Variants in MEGF9 observed in about 807,000 individuals in gnomAD.
MEGF9 encodes the protein multiple EGF like domains 9.
In MEGF9, 6 loss-of-function variants were observed where a neutral mutation model predicts 46.8. That is an observed-to-expected ratio of 0.13 (90% CI 0.07 to 0.25). MEGF9 has a LOEUF of 0.25. Among genes scored for constraint, MEGF9 ranks in the 10% least tolerant of loss-of-function variants. MEGF9 has a pLI of 1.00. For missense variants in MEGF9, 683 were observed against 792.4 expected, an observed-to-expected ratio of 0.86 and a Z score of 1.66; for synonymous variants, 302 against 330.7, an observed-to-expected ratio of 0.91 and a Z score of 0.94.
intron 2 of MEGF9, among the ~76,000 whole-genome samples, chr9:120,633,334 T>C (rs963992664): frequency 6.6e-6 from 1 of 152,142 alleles, no homozygotes; most frequent in Non-Finnish European, 1.5e-5. Flanking sequence ...CATGTTTCCA[T>C]ACAAGCAGAA....
chr9:120,689,429 T>G (rs1425866560), intron 1 of MEGF9, among the ~76,000 whole-genome samples: 1 of 152,092 alleles, frequency 6.6e-6, no homozygotes, highest in East Asian at 1.9e-4. Flanking sequence ...TGGAAGAATT[T>G]TATACAAGAG....
At chr9:120,629,907 T>C (rs1414561884) in intron 2 of MEGF9, among the ~76,000 whole-genome samples, 1 of 151,114 alleles carries the variant, frequency 6.6e-6, no homozygotes, top group Non-Finnish European at 1.5e-5. Flanking sequence ...CACTCCAGCC[T>C]GGGCAACAGA....
chr9:120,714,056 C>A lies in MEGF9; in HGVS notation c.303G>T (p.Glu101Asp), dbSNP rs2043966442. Residue 101 changes from glutamate (E) to aspartate (D), a missense_variant, in exon 1 of 6, where the codon GAG (glutamate) becomes GAT (aspartate). Physicochemically the swap from Glu to Asp is conservative, Grantham distance 45. Around this residue, in one of 2 missense-constraint regions of MEGF9, gnomAD observed 370 missense variants for 371.3 expected, o/e 1.00. Coordinates refer to ENST00000373930, the MANE Select transcript of MEGF9 (RefSeq NM_001080497.3). The stretch of plus-strand genomic sequence containing the variant: ...CAGCAGTCGCCCAAAGAGGGGTGGT[C>A]TCCGGGGACTGGGCTGGAGAAGTCG... ...LAATSPAQSP[E>D]TTPLWATAGP... 1.5e-6 allele frequency: 2 copies of A among 1,298,376 alleles called. No individual in the cohort carries two copies. Among genetic ancestry groups the A allele is most frequent in the Admixed American group, 3.5e-5 (1 of 28,288 alleles). The allele number at this position is 1,298,376 out of a possible 1,614,324, so 80.4% of individuals were successfully genotyped here. A position where few individuals can be genotyped will look rare whatever the true frequency, so the allele number is the denominator to read the frequency against.
At chr9:120,679,520 T>C (rs2043788884) in intron 1 of MEGF9, among the ~76,000 whole-genome samples, 1 of 151,968 alleles carries the variant, frequency 6.6e-6, no homozygotes, top group East Asian at 1.9e-4. Flanking sequence ...ACATACTTAA[T>C]GTAAATGACG....
At chr9:120,703,162 A>G (rs2043912863) in intron 1 of MEGF9, among the ~76,000 whole-genome samples, 1 of 152,256 alleles carries the variant, frequency 6.6e-6, no homozygotes, top group Admixed American at 6.5e-5. Flanking sequence ...TATTCCTCAT[A>G]TTACTATGAG....
intron 1 of MEGF9, among the ~76,000 whole-genome samples, chr9:120,708,914 A>G (rs565663374): frequency 2.6e-5 from 4 of 152,312 alleles, no homozygotes; most frequent in African/African-American, 9.6e-5. Context: ...AAATAAATAA[A>G]TTTTAATAGA....
intron 1 of MEGF9, among the ~76,000 whole-genome samples, chr9:120,671,376 A>T (rs1194173710): frequency 6.6e-6 from 1 of 152,230 alleles, no homozygotes; most frequent in Non-Finnish European, 1.5e-5. Context: ...AGCCAGAGTA[A>T]GCCCAAGAGA....
At chr9:120,701,762 A>C (rs1223526632) in intron 1 of MEGF9, among the ~76,000 whole-genome samples, 7 of 152,228 alleles carry the variant, frequency 4.6e-5, no homozygotes. Context: ...TACCTAGACA[A>C]GGTGGGGAGC....
intron 5 of MEGF9, 22 bp downstream of exon 5, chr9:120,607,719 A>T: frequency 6.2e-7 from 1 of 1,602,074 alleles, no homozygotes; most frequent in South Asian, 1.1e-5. Flanking sequence ...TTAAATTTAC[A>T]ATCACTTAGG....
intron 1 of MEGF9, among the ~76,000 whole-genome samples, chr9:120,674,269 T>C (rs914371972): frequency 1.3e-5 from 2 of 152,106 alleles, no homozygotes; most frequent in African/African-American, 4.8e-5. Flanking sequence ...ATCAAGAATA[T>C]ATAAAGAACC....
At chr9:120,683,278 T>G (rs1485872817) in intron 1 of MEGF9, among the ~76,000 whole-genome samples, 1 of 152,178 alleles carries the variant, frequency 6.6e-6, no homozygotes, top group Non-Finnish European at 1.5e-5. Context: ...TAGTTCAAAA[T>G]TCATTCTGAT....
chr9:120,615,579 A>C (rs2043468717), intron 3 of MEGF9, among the ~76,000 whole-genome samples: 1 of 152,038 alleles, frequency 6.6e-6, no homozygotes, highest in African/African-American at 2.4e-5. Context: ...TTATCTCAAA[A>C]GTAAAAATGA....
intron 3 of MEGF9, among the ~76,000 whole-genome samples, chr9:120,618,804 G>A (rs548051434): frequency 6.6e-6 from 1 of 151,802 alleles, no homozygotes; most frequent in African/African-American, 2.4e-5. Context: ...GGAGGCTGAA[G>A]CAGAAGAATC....
At chr9:120,615,951 T>C (rs2043470574) in intron 3 of MEGF9, among the ~76,000 whole-genome samples, 1 of 152,076 alleles carries the variant, frequency 6.6e-6, no homozygotes, top group South Asian at 2.1e-4. Context: ...TAAATATTAA[T>C]CACTGTTTAC....
rs768291195 is a variant in MEGF9 at position 120,691,638 on chromosome 9, T to G, written c.601+22120A>C. Among the ~76,000 whole-genome samples the G allele has an allele frequency of 7.8e-4, 119 of 152,186 alleles. 1 individual carries two copies. Among genetic ancestry groups the G allele is most frequent in the Non-Finnish European group, 1.6e-3 (108 of 68,002 alleles). On this transcript the variant is annotated intron_variant, in intron 1 of 5. Coordinates refer to ENST00000373930, the MANE Select transcript of MEGF9 (RefSeq NM_001080497.3). ...AATGACAATTTTAAGTAACATCAAT[T>G]GAATTCTTTCCCTGTGCTTTCACTG...
chr9:120,600,857 C>G lies in MEGF9; in HGVS notation c.*4333G>C, dbSNP rs1457756457. 1 of 152,440 alleles carries G rather than the reference C, an allele frequency of 6.6e-6. No homozygotes were observed. Among genetic ancestry groups the G allele is most frequent in the Non-Finnish European group, 1.5e-5 (1 of 68,008 alleles). 9.4% of individuals were successfully genotyped at this position (152,440 alleles called of 1,614,324 possible). A position where few individuals can be genotyped will look rare whatever the true frequency, so the allele number is the denominator to read the frequency against. On this transcript the variant is annotated 3_prime_UTR_variant, in exon 6 of 6. Transcript: ENST00000373930. ...TGAAGTGGGCTGAAAGTAAATGATC[C>G]TTGGCATGTATTTGAAGACATGAAA...
At chr9:120,622,434 T>TA in intron 3 of MEGF9, among the ~76,000 whole-genome samples, 182 bp downstream of exon 3, 1 of 148,174 alleles carries the variant, frequency 6.7e-6, no homozygotes, top group Non-Finnish European at 1.5e-5. Flanking sequence ...TTTTTTTTTT[T>TA]AATTTACGTA....
At chr9:120,615,805 G>C in intron 3 of MEGF9, among the ~76,000 whole-genome samples, 1 of 151,932 alleles carries the variant, frequency 6.6e-6, no homozygotes. Flanking sequence ...GAGGTGGGAG[G>C]ATCGCTTGAG....
intron 3 of MEGF9, among the ~76,000 whole-genome samples, chr9:120,621,450 G>T (rs955559463): frequency 3.9e-5 from 6 of 152,114 alleles, no homozygotes; most frequent in African/African-American, 1.4e-4. Context: ...TCTACTGTTA[G>T]ATTAATGCAA....
Sources: gnomAD v4.1 joint callset for allele counts (sites outside exome capture counted in the v4.1 genomes callset) on GRCh38, gnomAD v4.1.1 for gene constraint, gnomAD v4.1.1 regional missense constraint, MANE v1.5 for transcripts, NCBI Gene and HGNC (gene_info 2026-07-23, HGNC 2026-07-21) for gene names.